The following RHEB variants were observed in gnomAD, a reference collection of about 807,000 sequenced individuals.
RHEB encodes Ras homolog, mTORC1 binding.
In RHEB, 2 loss-of-function variants were observed where a neutral mutation model predicts 28.8. The observed-to-expected ratio is 0.07, with a 90% CI of 0.03 to 0.22. The LOEUF (loss-of-function observed/expected upper bound fraction) is 0.22. Among genes scored for constraint, RHEB ranks in the 10% least tolerant of loss-of-function variants. The pLI is 1.00. For synonymous variants in RHEB, 69 were observed against 77.3 expected (o/e 0.89, Z 0.56); for missense variants, 76 against 219.9 (o/e 0.35, Z 4.14).
chr7:151,473,317 G>C (rs1316511489), intron 4 of RHEB, among the ~76,000 whole-genome samples: 1 of 152,178 alleles, frequency 6.6e-6, no homozygotes, highest in South Asian at 2.1e-4. Context: ...CCAACAACTT[G>C]CAAGAAACTC....
chr7:151,518,854 C>A (rs538423376), intron 1 of RHEB, among the ~76,000 whole-genome samples: 149 of 152,248 alleles, frequency 9.8e-4, no homozygotes, highest in African/African-American at 3.5e-3. Context: ...TCTCGAGGGC[C>A]TCCAGAGGGA....
At chr7:151,500,958 T>A (rs1441489570) in intron 1 of RHEB, among the ~76,000 whole-genome samples, 1 of 152,076 alleles carries the variant, frequency 6.6e-6, no homozygotes, top group Non-Finnish European at 1.5e-5. Context: ...CATACCAGCC[T>A]GGGTGACGGA....
intron 2 of RHEB, among the ~76,000 whole-genome samples, chr7:151,486,332 G>T (rs191501898): frequency 5.7e-4 from 86 of 152,028 alleles, no homozygotes; most frequent in Middle Eastern, 3.4e-3. Flanking sequence ...ATTCATTCAA[G>T]AACAATTTCT....
At chr7:151,467,238 A>G (rs201092245) in intron 7 of RHEB, 27 bp from the exon 8 acceptor site, 3 of 1,533,280 alleles carry the variant, frequency 2.0e-6, no homozygotes, top group East Asian at 4.5e-5. Flanking sequence ...ACCCAATCAC[A>G]GTGTTAGTGT....
At chr7:151,503,262 G>C in intron 1 of RHEB, 1 of 781,546 alleles carries the variant, frequency 1.3e-6, no homozygotes, top group Non-Finnish European at 2.4e-6. Context: ...AGCTTATCGA[G>C]AGCATGCCCC....
chr7:151,483,355 C>T lies in RHEB; in HGVS notation c.192+1382G>A, dbSNP rs571919866. Among the ~76,000 whole-genome samples, 27 of 152,260 alleles carry T rather than the reference C, an allele frequency of 1.8e-4. No individual in the cohort carries two copies. In the South Asian group the frequency reaches 5.6e-3, roughly 32 times the overall value. ...ATTTCCCCAGATTCCAGAAAAATAGCCCCCATTTAACACAGCAAACCAGAT... is the reference window on the plus strand; with the variant it reads ...ATTTCCCCAGATTCCAGAAAAATAGTCCCCATTTAACACAGCAAACCAGAT... On this transcript the variant is annotated intron_variant, in intron 3 of 7. Coordinates refer to ENST00000262187, the MANE Select transcript of RHEB (RefSeq NM_005614.4).
chr7:151,467,340 C>T (rs1802085254), intron 7 of RHEB, 129 bp from the exon 8 acceptor site: 2 of 688,690 alleles, frequency 2.9e-6, no homozygotes, highest in Admixed American at 4.8e-5. Flanking sequence ...TTCTGGTGAG[C>T]CCCAGAACTT....
intron 1 of RHEB, among the ~76,000 whole-genome samples, chr7:151,493,006 AT>A (rs1054400773): frequency 2.0e-5 from 3 of 151,130 alleles, no homozygotes; most frequent in Non-Finnish European, 3.0e-5. Context: ...CACCTGACTA[AT>A]TTTTTTTGTA....
At chr7:151,513,241 C>A (rs1186021698) in intron 1 of RHEB, among the ~76,000 whole-genome samples, 1 of 152,168 alleles carries the variant, frequency 6.6e-6, no homozygotes, top group Non-Finnish European at 1.5e-5. Context: ...CCACTTTTAT[C>A]ATGGAATGCC....
At chr7:151,518,754 C>A (rs759154242) in intron 1 of RHEB, among the ~76,000 whole-genome samples, 3 of 152,184 alleles carry the variant, frequency 2.0e-5, no homozygotes, top group African/African-American at 4.8e-5. Flanking sequence ...GTTGCAAGTA[C>A]CTGACCTTAT....
chr7:151,509,169 G>C (rs1397251658), intron 1 of RHEB, among the ~76,000 whole-genome samples: 2 of 152,198 alleles, frequency 1.3e-5, no homozygotes, highest in Non-Finnish European at 2.9e-5. Flanking sequence ...CCCGGGCCCA[G>C]CAACCTCATT....
At chr7:151,511,770 C>T (rs1475112243) in intron 1 of RHEB, among the ~76,000 whole-genome samples, 1 of 152,054 alleles carries the variant, frequency 6.6e-6, no homozygotes, top group Non-Finnish European at 1.5e-5. Context: ...CAGGCCTCAG[C>T]CTCCCTAGTA....
At chr7:151,476,295 C>T (rs1584849214) in intron 4 of RHEB, among the ~76,000 whole-genome samples, 1 of 152,150 alleles carries the variant, frequency 6.6e-6, no homozygotes, top group Non-Finnish European at 1.5e-5. Context: ...AACATGGCAG[C>T]CTCCAGCCAC....
At chr7:151,488,886 A>G (rs1473730045) in intron 2 of RHEB, among the ~76,000 whole-genome samples, 1 of 152,234 alleles carries the variant, frequency 6.6e-6, no homozygotes, top group Non-Finnish European at 1.5e-5. Flanking sequence ...ATTACTTACT[A>G]AGAAAATGTA....
chr7:151,477,431 A>AT lies in RHEB; in HGVS notation c.193-17dup. The stretch of plus-strand genomic sequence containing the variant: ...AATATTCATCCTGTGGGGAAAAAAA[A>AT]TTATCTTTGAGTAGTCTTCATATAG... On this transcript the variant is annotated splice_polypyrimidine_tract_variant and intron_variant, in intron 3 of 7. Transcript: ENST00000262187. 1 of 1,464,080 alleles carries AT rather than the reference A, an allele frequency of 6.8e-7. No individual in the cohort carries two copies. The highest frequency in any genetic ancestry group is 1.2e-5 in the South Asian group (1 of 82,400). 90.7% of individuals were successfully genotyped at this position (1,464,080 alleles called of 1,614,324 possible).
At position 151,519,644 on chromosome 7, in the gene RHEB, C is replaced by T. The variant is rs1331033317; in HGVS notation, c.-133G>A. ...GGGGCGGCGGCGGGCGCGGCTGCCT[C>T]TCGCTCGCTAGCTCGCGCGCTCCCA... On this transcript the variant is annotated 5_prime_UTR_variant, in exon 1 of 8. Coordinates refer to ENST00000262187, the MANE Select transcript of RHEB (RefSeq NM_005614.4). 1.3e-6 allele frequency: 1 copy of T among 743,606 alleles called. No homozygotes were observed. 46.1% of individuals were successfully genotyped at this position (743,606 alleles called of 1,614,324 possible).
At chr7:151,505,054 C>A (rs67104984) in intron 1 of RHEB, among the ~76,000 whole-genome samples, 74,327 of 143,950 alleles carry the variant, frequency 0.52, 19,003 homozygotes, top group South Asian at 0.6. Flanking sequence ...AAAAAAAAAA[C>A]CCAAAAAACA....
chr7:151,496,551 CATTT>C (rs937343034), intron 1 of RHEB, among the ~76,000 whole-genome samples: 1 of 152,064 alleles, frequency 6.6e-6, no homozygotes, highest in African/African-American at 2.4e-5. Context: ...GTTATACATA[CATTT>C]ATTACTGGGT....
rs79945814 is a variant in RHEB, at chr7:151,510,391, T to C, written c.52+9069A>G. On this transcript the variant is annotated intron_variant, in intron 1 of 7. Coordinates refer to ENST00000262187, the MANE Select transcript of RHEB (RefSeq NM_005614.4). ...ACAGTTTGACATTGGGCAAGTCACA[T>C]AAACTTTTTGTACTTCAGTTTCCTT... is the stretch of plus-strand genomic sequence containing the variant. Among the ~76,000 whole-genome samples the C allele has an allele frequency of 2.6e-3, 400 of 152,376 alleles. 3 individuals are homozygous for C. The highest frequency in any genetic ancestry group is 9.2e-3 in the African/African-American group (383 of 41,594).
Sources: gnomAD v4.1 joint callset for allele counts (sites outside exome capture counted in the v4.1 genomes callset) on GRCh38, gnomAD v4.1.1 for gene constraint, MANE v1.5 for transcripts, NCBI Gene and HGNC (gene_info 2026-07-23, HGNC 2026-07-21) for gene names.